Variants in SH2B2 observed in about 807,000 individuals in gnomAD.
The protein encoded by SH2B2 is SH2B adaptor protein 2, also known as SH2B adapter protein 2.
SH2B2 carries 37 observed loss-of-function variants against 35.7 expected under a neutral mutation model. The ratio of observed to expected loss-of-function variants is 1.04; its 90% CI spans 0.80 to 1.36. The LOEUF is 1.36. Among genes scored for constraint, SH2B2 ranks in the 40% most tolerant of loss-of-function variants. The probability of loss-of-function intolerance (pLI) is 0.00; values close to 1 mark genes in which losing one functional copy is unlikely to be tolerated. For missense variants in SH2B2, 852 were observed against 817.7 expected, an observed-to-expected ratio of 1.04 and a Z score of -0.51; for synonymous variants, 383 against 376.4, an observed-to-expected ratio of 1.02 and a Z score of -0.20.
In SH2B2 at chr7:102,297,164, C is replaced by A. The variant is rs782153608; in HGVS notation, c.-29-3358C>A. ...CAGGATGAAGTCTCAAACCATCCCG[C>A]TGTTCTGCCTGGGATGTGAATTATC... is the stretch of plus-strand genomic sequence containing the variant. On this transcript the variant is annotated intron_variant, in intron 1 of 8. Coordinates refer to ENST00000444095, the MANE Select transcript of SH2B2 (RefSeq NM_001359228.2). The surrounding 1 kb of genome is among the most constrained non-coding windows in gnomAD (Gnocchi z 4.3). 5.9e-5 allele frequency among the ~76,000 whole-genome samples: 9 copies of A among 152,130 alleles called. No homozygotes were observed. Among genetic ancestry groups the A allele is most frequent in the Non-Finnish European group, 1.3e-4 (9 of 68,036 alleles).
At chr7:102,317,105 C>G in intron 6 of SH2B2, 82 bp from the exon 7 acceptor site, 1 of 1,132,156 alleles carries the variant, frequency 8.8e-7, no homozygotes, top group Non-Finnish European at 1.2e-6. Flanking sequence ...ACCAACAAGA[C>G]GTCACCTCTC....
chr7:102,299,390 G>A (rs1793060094), intron 1 of SH2B2, among the ~76,000 whole-genome samples: 1 of 149,514 alleles, frequency 6.7e-6, no homozygotes, highest in South Asian at 2.1e-4. Flanking sequence ...GTAGAGACGG[G>A]GTTTCATCAT....
intron 1 of SH2B2, among the ~76,000 whole-genome samples, chr7:102,291,274 C>T (rs1390907740): frequency 6.6e-5 from 10 of 152,326 alleles, no homozygotes; most frequent in African/African-American, 2.2e-4. Context: ...GAAGGGCTCC[C>T]ACCCTCCCGT....
In SH2B2 at chr7:102,320,497, CA is replaced by C; in HGVS notation, c.1563del (p.Pro522GlnfsTer126). ...LRSYVRAQDP[P>X]PEPGPTPPAA... is the part of the protein sequence containing the mutation. ...AGCTATGTGCGGGCCCAGGACCCCC[CA>C]CCAGGTAAGATGCCGCCACCTGGCT... is the stretch of plus-strand genomic sequence containing the variant. On this transcript the variant is annotated frameshift_variant, in exon 8 of 9. Transcript: ENST00000444095. LOFTEE classifies it low-confidence loss of function (END_TRUNC). 6.2e-7 allele frequency: 1 copy of C among 1,611,414 alleles called. No individual in the cohort carries two copies. Among genetic ancestry groups the C allele is most frequent in the Non-Finnish European group, 8.5e-7 (1 of 1,179,004 alleles).
At chr7:102,319,348 G>C (rs1793969701) in intron 7 of SH2B2, among the ~76,000 whole-genome samples, 1 of 152,174 alleles carries the variant, frequency 6.6e-6, no homozygotes, top group Non-Finnish European at 1.5e-5. Flanking sequence ...ATTCTGCTAA[G>C]TGGCAGAGCT....
chr7:102,285,158 G>C (rs782746849), upstream of SH2B2: 1 of 1,549,332 alleles, frequency 6.5e-7, no homozygotes, highest in Non-Finnish European at 8.7e-7. Context: ...CCTCCCTGGG[G>C]ATGGATCCAA....
chr7:102,294,005 G>A (rs1252372298), intron 1 of SH2B2, among the ~76,000 whole-genome samples: 1 of 152,062 alleles, frequency 6.6e-6, no homozygotes, highest in East Asian at 1.9e-4. Context: ...GTATAGGGAA[G>A]TTTTCCTGGG....
Position 102,310,260 on chromosome 7 carries a change from G to A in SH2B2, c.923+1354G>A, listed in dbSNP as rs189985316. On this transcript the variant is annotated intron_variant, in intron 4 of 8. Coordinates refer to ENST00000444095, the MANE Select transcript of SH2B2 (RefSeq NM_001359228.2). ...GAACCCGGGAGGCAGAGGTTGCAGTGAGCTGAGACTGTGCCATTGCACTCC... is the reference window on the plus strand; with the variant it reads ...GAACCCGGGAGGCAGAGGTTGCAGTAAGCTGAGACTGTGCCATTGCACTCC... 1.5e-3 allele frequency among the ~76,000 whole-genome samples: 228 copies of A among 152,312 alleles called. No homozygotes were observed. In the Middle Eastern group the frequency reaches 0.024, roughly 16 times the overall value.
chr7:102,300,382 T>G, intron 1 of SH2B2, 140 bp from the exon 2 acceptor site: 2 of 1,102,676 alleles, frequency 1.8e-6, no homozygotes, highest in Non-Finnish European at 1.2e-6. Flanking sequence ...GGCTGCCTGC[T>G]GTAGTCCCAC....
rs535281921 is a variant in SH2B2, at chr7:102,300,585, CCCCGGTCCCAGT to C, written c.45_56del (p.Val18_Pro21del). On this transcript the variant is annotated inframe_deletion, in exon 2 of 9. Transcript: ENST00000444095. The stretch of plus-strand genomic sequence containing the variant: ...GCCGGCCCTGGCCCCGCCGCAGCCG[CCCCGGTCCCAGT>C]CCCGGTCCCGGTCCCGGACTGGCGG... 2.1e-4 allele frequency: 325 copies of C among 1,550,210 alleles called. 1 individual carries two copies. The South Asian group carries it at 2.6e-3, about 13-fold the overall frequency.
intron 4 of SH2B2, among the ~76,000 whole-genome samples, chr7:102,312,480 A>G (rs1793665554): frequency 6.6e-6 from 1 of 152,192 alleles, no homozygotes; most frequent in African/African-American, 2.4e-5. Context: ...TCTAAAGGGA[A>G]TAGACTGAGC....
rs1470891938 is a variant in SH2B2 at position 102,286,912 on chromosome 7, C to T, written c.-212C>T. On this transcript the variant is annotated 5_prime_UTR_variant, in exon 1 of 9. Coordinates refer to ENST00000444095, the MANE Select transcript of SH2B2 (RefSeq NM_001359228.2). ...CTTGGAGCGCGCGGAGCTCGGCTGC[C>T]AGAGAGCCGCGCGGGGGACGCGCCG... The T allele has an allele frequency of 6.8e-6, 1 of 148,098 alleles. No homozygotes were observed. The highest frequency in any genetic ancestry group is 1.5e-5 in the Non-Finnish European group (1 of 66,786). The allele number at this position is 148,098 out of a possible 1,614,324, so 9.2% of individuals were successfully genotyped here.
chr7:102,308,258 A>AG (rs1793477060), intron 3 of SH2B2, among the ~76,000 whole-genome samples: 1 of 152,220 alleles, frequency 6.6e-6, no homozygotes, highest in South Asian at 2.1e-4. Flanking sequence ...TCTCCCTCAC[A>AG]GGGCCGTTGG....
chr7:102,306,877 CT>C, intron 3 of SH2B2, 55 bp downstream of exon 3: 1 of 1,349,374 alleles, frequency 7.4e-7, no homozygotes. Context: ...GCCACCTTCC[CT>C]TTAGGTGCTA....
In SH2B2 at chr7:102,321,290, T is replaced by C; in HGVS notation, c.1568-9T>C. ...TCCCCACTCACGCCCTGCCGTCGCC[T>C]TGTTGCAGAGCCGGGCCCCACGCCC... is the stretch of plus-strand genomic sequence containing the variant. On this transcript the variant is annotated splice_polypyrimidine_tract_variant and intron_variant, in intron 8 of 8. Transcript: ENST00000444095. The C allele has an allele frequency of 1.5e-6, 2 of 1,375,152 alleles. No individual in the cohort carries two copies. Among genetic ancestry groups the C allele is most frequent in the Non-Finnish European group, 1.9e-6 (2 of 1,070,976 alleles). The allele number at this position is 1,375,152 out of a possible 1,614,324, so 85.2% of individuals were successfully genotyped here. A position where few individuals can be genotyped will look rare whatever the true frequency, so the allele number is the denominator to read the frequency against.
At chr7:102,287,452 G>A (rs1193384657) in intron 1 of SH2B2, among the ~76,000 whole-genome samples, 1 of 152,204 alleles carries the variant, frequency 6.6e-6, no homozygotes, top group East Asian at 1.9e-4. Flanking sequence ...GTTGGGGGAA[G>A]GGGTGCCCAG....
In SH2B2 at chr7:102,308,911, G is replaced by A. The variant is rs1554555421; in HGVS notation, c.923+5G>A. The A allele has an allele frequency of 1.2e-6, 2 of 1,612,254 alleles. No individual in the cohort carries two copies. The highest frequency in any genetic ancestry group is 1.3e-5 in the African/African-American group (1 of 74,898). ...CCAGGGCTGCGTGGACCCCGGGTGA[G>A]TGTCCAAGTGGCCCGAAGATGGGTG... On this transcript the variant is annotated splice_donor_5th_base_variant and intron_variant, in intron 4 of 8. Transcript: ENST00000444095.
Position 102,317,293 on chromosome 7 carries a change from T to C in SH2B2, c.1293T>C (p.Val431=). Residue 431 remains valine, a synonymous_variant, in exon 7 of 9, where the codon GTT becomes GTC. Coordinates refer to ENST00000444095, the MANE Select transcript of SH2B2 (RefSeq NM_001359228.2). ...TLSRVKAAQL[V]LAGGPRNHGL... is the part of the protein sequence containing the mutation. Reference sequence around the variant, plus strand: ...CCCGGGTCAAGGCTGCTCAACTGGTTCTGGCAGGGGGGCCCCGGAACCACG... The same window carrying C: ...CCCGGGTCAAGGCTGCTCAACTGGTCCTGGCAGGGGGGCCCCGGAACCACG... 6.2e-7 allele frequency: 1 copy of C among 1,613,652 alleles called. No individual in the cohort carries two copies.
chr7:102,321,508 C>T lies in SH2B2; in HGVS notation c.1777C>T (p.Arg593Trp). Residue 593 changes from arginine (R) to tryptophan (W), a missense_variant, in exon 9 of 9, where the codon CGG (arginine) becomes TGG (tryptophan). Around this residue, in one of 3 missense-constraint regions of SH2B2, gnomAD observed 556 missense variants for 514.5 expected, o/e 1.08. Coordinates refer to ENST00000444095, the MANE Select transcript of SH2B2 (RefSeq NM_001359228.2). ...CCCCGTCGAGGGCCAGCTCAGCGCG[C>T]GGAGCCGCAGCAACAGCGCCGAGCG... Reference protein sequence around the residue: ...PRPVEGQLSARSRSNSAERLL... With the variant: ...PRPVEGQLSAWSRSNSAERLL... 1 of 1,150,558 alleles carries T rather than the reference C, an allele frequency of 8.7e-7. No homozygotes were observed. The highest frequency in any genetic ancestry group is 1.1e-6 in the Non-Finnish European group (1 of 935,480). The allele number at this position is 1,150,558 out of a possible 1,614,324, so 71.3% of individuals were successfully genotyped here.
Sources: gnomAD v4.1 joint callset for allele counts (sites outside exome capture counted in the v4.1 genomes callset) on GRCh38, gnomAD v4.1.1 for gene constraint, gnomAD v4.1.1 regional missense constraint, Gnocchi (gnomAD v3.1) non-coding constraint, MANE v1.5 for transcripts, NCBI Gene and HGNC (gene_info 2026-07-23, HGNC 2026-07-21) for gene names.